Variants in EYS observed in about 807,000 individuals in gnomAD.
EYS encodes protein eyes shut homolog.
EYS carries 250 observed loss-of-function variants against 282.1 expected under a neutral mutation model. The observed-to-expected ratio is 0.89, with a 90% CI of 0.80 to 0.98. The LOEUF (loss-of-function observed/expected upper bound fraction) is 0.98, where lower values mean the gene tolerates loss of function less well. Ranked by LOEUF, EYS falls within the 50% of genes least tolerant of loss-of-function variation. The probability of loss-of-function intolerance (pLI) is 0.00; values close to 1 mark genes in which losing one functional copy is unlikely to be tolerated. For missense variants in EYS, 4,016 were observed against 3,709.0 expected, an observed-to-expected ratio of 1.08 and a Z score of -2.15; for synonymous variants, 1,355 against 1,282.9, an observed-to-expected ratio of 1.06 and a Z score of -1.20.
intron 18 of EYS, among the ~76,000 whole-genome samples, chr6:64,894,660 G>A (rs4318859): frequency 0.76 from 115,802 of 151,928 alleles, 44,445 homozygotes; most frequent in South Asian, 0.8. Context: ...CAGGTATTTT[G>A]TGTATCTTTT....
intron 26 of EYS, among the ~76,000 whole-genome samples, chr6:64,526,522 C>A (rs111618785): frequency 2.1e-4 from 32 of 151,822 alleles, no homozygotes; most frequent in African/African-American, 7.2e-4. Flanking sequence ...CAAATTGTTA[C>A]ATATTGACCA....
chr6:63,877,843 C>T (rs1165245247), intron 35 of EYS, among the ~76,000 whole-genome samples: 1 of 152,172 alleles, frequency 6.6e-6, no homozygotes, highest in African/African-American at 2.4e-5. Flanking sequence ...GTCTTCTCTA[C>T]ACTGTTTATT....
At chr6:65,300,699 G>C (rs1333129693) in intron 11 of EYS, 1 of 152,154 alleles carries the variant, frequency 6.6e-6, no homozygotes, top group Non-Finnish European at 1.5e-5. Context: ...ATTGCACTGT[G>C]ATCAAAGAGA....
intron 36 of EYS, among the ~76,000 whole-genome samples, chr6:63,851,643 T>A (rs150822735): frequency 1.9e-3 from 291 of 152,148 alleles, no homozygotes; most frequent in Middle Eastern, 6.8e-3. Context: ...AGACACAACA[T>A]ATCAGAACTT....
intron 29 of EYS, among the ~76,000 whole-genome samples, chr6:64,308,882 G>A (rs6454784): frequency 0.75 from 114,346 of 151,964 alleles, 43,609 homozygotes; most frequent in African/African-American, 0.89. Flanking sequence ...ACTATTTAAT[G>A]GAAGCATTTG....
intron 24 of EYS, among the ~76,000 whole-genome samples, chr6:64,599,340 T>C (rs1766691295): frequency 6.6e-6 from 1 of 152,160 alleles, no homozygotes; most frequent in Admixed American, 6.5e-5. Context: ...ATGGTGAATA[T>C]ACTGAGTAAA....
chr6:65,143,006 A>C (rs948769928), intron 12 of EYS, among the ~76,000 whole-genome samples: 1 of 151,986 alleles, frequency 6.6e-6, no homozygotes, highest in African/African-American at 2.4e-5. Context: ...TTTAACATAC[A>C]CCTGTCCAGA....
rs577551808 is a variant in EYS, at chr6:64,191,574, C to T, written c.6424+39018G>A. ...ATTCCCACCTATGGGTGAGAATATG[C>T]GGTGTTTGGCTTTTTGTTCTTGTGA... is the stretch of plus-strand genomic sequence containing the variant. On this transcript the variant is annotated intron_variant, in intron 31 of 42. Transcript: ENST00000503581. 1.6e-4 allele frequency among the ~76,000 whole-genome samples: 24 copies of T among 150,342 alleles called. No homozygotes were observed. In the South Asian group the frequency reaches 4.7e-3, roughly 29 times the overall value.
chr6:64,122,817 A>G (rs1773634453), intron 31 of EYS, among the ~76,000 whole-genome samples: 1 of 152,176 alleles, frequency 6.6e-6, no homozygotes. Context: ...CTTTAAAAAT[A>G]TTCCTTTAAA....
In EYS at chr6:65,017,613, C is replaced by T. The variant is rs545629844; in HGVS notation, c.2138-19910G>A. 4.6e-5 allele frequency among the ~76,000 whole-genome samples: 7 copies of T among 152,142 alleles called. No individual in the cohort carries two copies. In the East Asian group the frequency reaches 7.7e-4, roughly 17 times the overall value. ...CGGACCCTGGTGCTTTTCTTTTGAG[C>T]GTAAACAATTTTATGGATCACCAAA... is the stretch of plus-strand genomic sequence containing the variant. On this transcript the variant is annotated intron_variant, in intron 13 of 42. Coordinates refer to ENST00000503581, the MANE Select transcript of EYS (RefSeq NM_001142800.2).
At chr6:64,846,844 A>G (rs984890713) in intron 19 of EYS, among the ~76,000 whole-genome samples, 11 of 152,078 alleles carry the variant, frequency 7.2e-5, no homozygotes, top group African/African-American at 2.7e-4. Flanking sequence ...TTTACTCAAA[A>G]AGTAAAATAA....
chr6:64,959,045 A>C (rs1303576006), intron 14 of EYS, among the ~76,000 whole-genome samples: 1 of 152,192 alleles, frequency 6.6e-6, no homozygotes, highest in Non-Finnish European at 1.5e-5. Flanking sequence ...TGGCTGATAG[A>C]CTACCTGCTT....
At chr6:65,028,922 C>T (rs1274846705) in intron 13 of EYS, among the ~76,000 whole-genome samples, 1 of 151,998 alleles carries the variant, frequency 6.6e-6, no homozygotes, top group Non-Finnish European at 1.5e-5. Context: ...TTATACCTCC[C>T]TAAGTATTTG....
chr6:65,176,664 A>G (rs192537703), intron 12 of EYS, among the ~76,000 whole-genome samples: 48 of 151,792 alleles, frequency 3.2e-4, no homozygotes, highest in African/African-American at 1.2e-3. Context: ...AAAAGTGAGG[A>G]AGTATTTTCA....
intron 1 of EYS, among the ~76,000 whole-genome samples, chr6:65,660,404 A>G (rs1767963047): frequency 6.6e-6 from 1 of 151,750 alleles, no homozygotes; most frequent in African/African-American, 2.4e-5. Context: ...TGATGAGGGG[A>G]CAGTTCCTCA....
chr6:64,100,488 C>T (rs1348178901), intron 31 of EYS, among the ~76,000 whole-genome samples: 2 of 151,974 alleles, frequency 1.3e-5, no homozygotes, highest in African/African-American at 4.8e-5. Flanking sequence ...GAGTATAATG[C>T]TGCTGTTTAT....
chr6:65,060,527 TTC>T (rs1773539406), intron 12 of EYS, among the ~76,000 whole-genome samples: 1 of 151,968 alleles, frequency 6.6e-6, no homozygotes, highest in East Asian at 1.9e-4. Context: ...CTTCTTGGTC[TTC>T]TCTCTCTTAT....
At chr6:64,926,098 G>A (rs1768509358) in intron 15 of EYS, among the ~76,000 whole-genome samples, 1 of 152,146 alleles carries the variant, frequency 6.6e-6, no homozygotes, top group Admixed American at 6.5e-5. Context: ...AGAACAGTTA[G>A]CCAAAGCACT....
At chr6:64,995,005 G>C in intron 14 of EYS, among the ~76,000 whole-genome samples, 1 of 152,086 alleles carries the variant, frequency 6.6e-6, no homozygotes, top group East Asian at 1.9e-4. Context: ...TGATACCTGA[G>C]ACCTCGAGCT....
Sources: gnomAD v4.1 joint callset for allele counts (sites outside exome capture counted in the v4.1 genomes callset) on GRCh38, gnomAD v4.1.1 for gene constraint, MANE v1.5 for transcripts, NCBI Gene and HGNC (gene_info 2026-07-23, HGNC 2026-07-21) for gene names.